PTPRT: variants seen among roughly 807,000 people sequenced by gnomAD.
The protein encoded by PTPRT is protein tyrosine phosphatase receptor type T.
Under a neutral mutation model 176.8 loss-of-function variants are expected in PTPRT, and 56 were observed. That is an observed-to-expected ratio of 0.32 (90% CI 0.26 to 0.40). PTPRT has a LOEUF of 0.40. Among genes scored for constraint, PTPRT ranks in the 10% least tolerant of loss-of-function variants. The pLI is 1.00. For missense variants in PTPRT, 1,540 were observed against 1,908.2 expected (o/e 0.81, Z 3.60); for synonymous variants, 783 against 739.0 (o/e 1.06, Z -0.96).
chr20:42,334,416 C>T (rs1345016451), intron 11 of PTPRT, among the ~76,000 whole-genome samples: 4 of 152,154 alleles, frequency 2.6e-5, no homozygotes, highest in Non-Finnish European at 4.4e-5. Context: ...AAAGAAAATT[C>T]ACAAAAAAGA....
intron 2 of PTPRT, among the ~76,000 whole-genome samples, chr20:42,863,055 G>C (rs1289926013): frequency 6.6e-6 from 1 of 152,226 alleles, no homozygotes; most frequent in Non-Finnish European, 1.5e-5. Context: ...GCCAGAGAAA[G>C]AGACTGAGAT....
intron 7 of PTPRT, among the ~76,000 whole-genome samples, chr20:42,543,226 A>G (rs1045152548): frequency 3.3e-5 from 5 of 152,206 alleles, no homozygotes; most frequent in African/African-American, 1.2e-4. Flanking sequence ...CAAATGTAGA[A>G]CTTCTTTCAA....
At chr20:42,507,868 T>C (rs915579485) in intron 7 of PTPRT, among the ~76,000 whole-genome samples, 9 of 149,420 alleles carry the variant, frequency 6.0e-5, no homozygotes, top group South Asian at 4.2e-4. Context: ...TTTTTTTTTT[T>C]CAGCACAAAA....
chr20:43,121,285 G>A (rs1352427563), intron 1 of PTPRT, among the ~76,000 whole-genome samples: 1 of 152,142 alleles, frequency 6.6e-6, no homozygotes, highest in African/African-American at 2.4e-5. Flanking sequence ...CCAGTCTTTG[G>A]TTCTTACAAA....
chr20:42,248,935 C>A, intron 13 of PTPRT, 113 bp from the exon 14 acceptor site: 1 of 1,305,490 alleles, frequency 7.7e-7, no homozygotes, highest in Non-Finnish European at 1.1e-6. Context: ...GTGCCAGGCA[C>A]TGTGCTAAGG....
chr20:42,341,379 T>C (rs1252154377), intron 11 of PTPRT, among the ~76,000 whole-genome samples: 1 of 152,216 alleles, frequency 6.6e-6, no homozygotes, highest in Non-Finnish European at 1.5e-5. Flanking sequence ...CTTTCTTCTT[T>C]TCTACTACAA....
At chr20:42,686,740 C>T (rs1016696333) in intron 6 of PTPRT, among the ~76,000 whole-genome samples, 2 of 151,860 alleles carry the variant, frequency 1.3e-5, no homozygotes, top group African/African-American at 4.8e-5. Flanking sequence ...GATCCATCCG[C>T]CTCAGTGTCC....
intron 1 of PTPRT, among the ~76,000 whole-genome samples, chr20:42,931,368 T>A (rs1979837418): frequency 6.6e-6 from 1 of 152,138 alleles, no homozygotes; most frequent in Admixed American, 6.5e-5. Flanking sequence ...AAGAGGCCCC[T>A]CACCAGAGAG....
chr20:42,225,767 C>A (rs1180093577), intron 15 of PTPRT, among the ~76,000 whole-genome samples: 1 of 152,210 alleles, frequency 6.6e-6, no homozygotes, highest in African/African-American at 2.4e-5. Flanking sequence ...ATTCCTCTGC[C>A]TCGGCCTCCT....
chr20:42,637,824 C>A (rs2074640801), intron 7 of PTPRT, among the ~76,000 whole-genome samples: 1 of 152,022 alleles, frequency 6.6e-6, no homozygotes, highest in Non-Finnish European at 1.5e-5. Context: ...TAAGAAAGAG[C>A]AACTGCAAAT....
chr20:42,508,266 C>A (rs1568937250), intron 7 of PTPRT, among the ~76,000 whole-genome samples: 4 of 151,430 alleles, frequency 2.6e-5, no homozygotes, highest in African/African-American at 9.7e-5. Flanking sequence ...TCTAGGAGCG[C>A]CTGCTGAATA....
intron 8 of PTPRT, among the ~76,000 whole-genome samples, chr20:42,470,949 A>G (rs1467198347): frequency 6.6e-6 from 1 of 151,830 alleles, no homozygotes; most frequent in East Asian, 2.0e-4. Flanking sequence ...TGGGAGGGAG[A>G]CATGGAGGCT....
At chr20:43,169,009 C>T (rs988266633) in intron 1 of PTPRT, among the ~76,000 whole-genome samples, 5 of 152,172 alleles carry the variant, frequency 3.3e-5, no homozygotes, top group African/African-American at 4.8e-5. Flanking sequence ...ACTTCCCTGC[C>T]TTCTTCCATT....
chr20:43,096,794 A>G (rs2012187700), intron 1 of PTPRT, among the ~76,000 whole-genome samples: 1 of 152,182 alleles, frequency 6.6e-6, no homozygotes, highest in Non-Finnish European at 1.5e-5. Context: ...GTGGGGACAG[A>G]GGAGGCCCCT....
intron 1 of PTPRT, among the ~76,000 whole-genome samples, chr20:43,175,418 A>G (rs1600772476): frequency 6.6e-6 from 1 of 152,388 alleles, no homozygotes; most frequent in African/African-American, 2.4e-5. Flanking sequence ...TGACAGAAGC[A>G]AACTGTACAT....
At chr20:42,442,378 T>A (rs1321542440) in intron 9 of PTPRT, among the ~76,000 whole-genome samples, 1 of 152,192 alleles carries the variant, frequency 6.6e-6, no homozygotes, top group African/African-American at 2.4e-5. Flanking sequence ...TATTGTACCT[T>A]TTAAAGGCGC....
intron 7 of PTPRT, among the ~76,000 whole-genome samples, chr20:42,532,112 G>A (rs1217493149): frequency 6.6e-6 from 1 of 152,110 alleles, no homozygotes; most frequent in African/African-American, 2.4e-5. Context: ...TCGTGCTTGG[G>A]GATGAAGAAC....
At chr20:42,061,228 A>G in the PTPRT span, among the ~76,000 whole-genome samples, 6 of 152,068 alleles carry the variant, frequency 3.9e-5, no homozygotes, top group Non-Finnish European at 8.8e-5. Flanking sequence ...GGTGATCCAC[A>G]TGTCCTTCAT....
At chr20:42,667,096 T>C (rs1477694517) in intron 7 of PTPRT, among the ~76,000 whole-genome samples, 3 of 152,252 alleles carry the variant, frequency 2.0e-5, no homozygotes, top group African/African-American at 4.8e-5. Context: ...CCTACTAATA[T>C]GAGGCATTAC....
Sources: allele counts gnomAD v4.1 joint callset (sites outside exome capture counted in the v4.1 genomes callset), GRCh38; gene constraint gnomAD v4.1.1; transcripts MANE v1.5; gene names NCBI Gene and HGNC (gene_info 2026-07-23, HGNC 2026-07-21).